The following SLC16A7 variants were observed in gnomAD, a reference collection of about 807,000 sequenced individuals.
The protein encoded by SLC16A7 is monocarboxylate transporter 2.
SLC16A7 carries 33 observed loss-of-function variants against 34.9 expected under a neutral mutation model. The observed-to-expected ratio is 0.94, with a 90% confidence interval of 0.72 to 1.26. SLC16A7 has a LOEUF of 1.26. Ranked by LOEUF, SLC16A7 falls within the 50% of genes most tolerant of loss-of-function variation. The pLI is 0.00. For missense variants in SLC16A7, 573 were observed against 578.1 expected, an observed-to-expected ratio of 0.99 and a Z score of 0.09; for synonymous variants, 201 against 206.6, an observed-to-expected ratio of 0.97 and a Z score of 0.23.
At chr12:59,671,607 A>G (rs1288306098) in intron 2 of SLC16A7, among the ~76,000 whole-genome samples, 4 of 151,446 alleles carry the variant, frequency 2.6e-5, no homozygotes, top group South Asian at 4.2e-4. Flanking sequence ...AGTAGCTTCA[A>G]TCAGTTTTTG....
intron 2 of SLC16A7, among the ~76,000 whole-genome samples, chr12:59,673,856 C>T (rs1228077216): frequency 6.6e-6 from 1 of 152,108 alleles, no homozygotes. Context: ...CCAAGGATAT[C>T]ATCATCTCTC....
At chr12:59,656,354 A>G (rs755369752) in intron 2 of SLC16A7, among the ~76,000 whole-genome samples, 9 of 151,956 alleles carry the variant, frequency 5.9e-5, no homozygotes, top group Non-Finnish European at 1.3e-4. Context: ...GATTATGTGC[A>G]TGGGCCCAGC....
intron 3 of SLC16A7, among the ~76,000 whole-genome samples, chr12:59,752,074 C>G (rs1041620544): frequency 6.6e-6 from 1 of 152,106 alleles, no homozygotes; most frequent in African/African-American, 2.4e-5. Context: ...AACTAACAAA[C>G]AGAAAGGACA....
intron 2 of SLC16A7, among the ~76,000 whole-genome samples, chr12:59,703,335 C>T (rs539849193): frequency 7.9e-5 from 12 of 152,076 alleles, no homozygotes; most frequent in African/African-American, 2.2e-4. Context: ...GTTTTACCTA[C>T]GTTGTCTAAT....
intron 2 of SLC16A7, among the ~76,000 whole-genome samples, chr12:59,657,504 CAAGTGAGAA>C (rs1868595996): frequency 6.6e-6 from 1 of 151,842 alleles, no homozygotes; most frequent in Admixed American, 6.6e-5. Context: ...AAATACTTCA[CAAGTGAGAA>C]AAACCTAGTC....
At chr12:59,764,250 A>G (rs1324191875) in intron 3 of SLC16A7, among the ~76,000 whole-genome samples, 3 of 152,040 alleles carry the variant, frequency 2.0e-5, no homozygotes, top group Admixed American at 6.6e-5. Flanking sequence ...AATCCAGAGC[A>G]GGGCCCTAAC....
chr12:59,781,170 T>C lies in SLC16A7; in HGVS notation c.*1491T>C, dbSNP rs543895038. The C allele has an allele frequency of 1.3e-5, 2 of 152,352 alleles. No homozygotes were observed. The highest frequency in any genetic ancestry group is 4.8e-5 in the African/African-American group (2 of 41,580). 9.4% of individuals were successfully genotyped at this position (152,352 alleles called of 1,614,324 possible). On this transcript the variant is annotated 3_prime_UTR_variant, in exon 6 of 6. Transcript: ENST00000547379. ...ACTCCTGAATACAGAGGCATATTCTTTTTAAACTATAAATACCATTTTGAG... is the reference window on the plus strand; with the variant it reads ...ACTCCTGAATACAGAGGCATATTCTCTTTAAACTATAAATACCATTTTGAG...
At chr12:59,613,114 A>G (rs1879277020) in intron 1 of SLC16A7, among the ~76,000 whole-genome samples, 1 of 152,254 alleles carries the variant, frequency 6.6e-6, no homozygotes, top group Non-Finnish European at 1.5e-5. Context: ...AAAGAGGTTT[A>G]ATTGACTAAC....
chr12:59,739,852 T>C (rs945880786), intron 3 of SLC16A7, among the ~76,000 whole-genome samples: 17 of 151,448 alleles, frequency 1.1e-4, no homozygotes, highest in African/African-American at 3.9e-4. Context: ...CTTTTGAGAA[T>C]TGTCTGTTCA....
In SLC16A7 at chr12:59,765,182, T is replaced by G. The variant is rs2137410147; in HGVS notation, c.218-6037T>G. Among the ~76,000 whole-genome samples the G allele has an allele frequency of 1.3e-5, 2 of 152,342 alleles. 1 individual carries two copies. The highest frequency in any genetic ancestry group is 3.9e-4 in the East Asian group (2 of 5,190). Reference sequence around the variant, plus strand: ...TCGCCCACTTTTTGATGGGGTTGTTTGTTTTTTTCTTGTAAATTTGTTTGA... The same window carrying G: ...TCGCCCACTTTTTGATGGGGTTGTTGGTTTTTTTCTTGTAAATTTGTTTGA... On this transcript the variant is annotated intron_variant, in intron 3 of 5. Coordinates refer to ENST00000547379, the MANE Select transcript of SLC16A7 (RefSeq NM_001270623.2).
chr12:59,671,963 G>A lies in SLC16A7; in HGVS notation c.-31+16713G>A, dbSNP rs866302830. Reference sequence around the variant, plus strand: ...TATATATGTGTATATATGTATATATGTGTATATATCCATATATCCGTATAT... The same window carrying A: ...TATATATGTGTATATATGTATATATATGTATATATCCATATATCCGTATAT... On this transcript the variant is annotated intron_variant, in intron 2 of 5. Transcript: ENST00000547379. 1.5e-4 allele frequency among the ~76,000 whole-genome samples: 9 copies of A among 61,002 alleles called. 2 individuals are homozygous for A. The highest frequency in any genetic ancestry group is 1.0e-3 in the African/African-American group (9 of 8,872). 40.0% of individuals were successfully genotyped at this position (61,002 alleles called of 152,430 possible). A position where few individuals can be genotyped will look rare whatever the true frequency, so the allele number is the denominator to read the frequency against.
chr12:59,675,763 T>A (rs529188971), intron 2 of SLC16A7, among the ~76,000 whole-genome samples: 19 of 152,262 alleles, frequency 1.2e-4, no homozygotes, highest in African/African-American at 4.1e-4. Context: ...TATAAAAAAA[T>A]TTTTAAATGA....
At chr12:59,773,707 G>A (rs1882458530) in intron 4 of SLC16A7, among the ~76,000 whole-genome samples, 1 of 152,034 alleles carries the variant, frequency 6.6e-6, no homozygotes, top group Non-Finnish European at 1.5e-5. Flanking sequence ...TGGGATTACA[G>A]GCATGTGCCA....
Position 59,783,153 on chromosome 12 carries a change from A to C in SLC16A7, c.*3474A>C, listed in dbSNP as rs1883366302. The C allele has an allele frequency of 6.6e-6, 1 of 152,196 alleles. No homozygotes were observed. Among genetic ancestry groups the C allele is most frequent in the Non-Finnish European group, 1.5e-5 (1 of 68,038 alleles). The allele number at this position is 152,196 out of a possible 1,614,324, so 9.4% of individuals were successfully genotyped here. The stretch of plus-strand genomic sequence containing the variant: ...AGTTGGTTGAAACATTTTTTATCTA[A>C]AACACCTTTAAAAAATCCCTTTCAT... On this transcript the variant is annotated 3_prime_UTR_variant, in exon 6 of 6. Transcript: ENST00000547379.
intron 1 of SLC16A7, among the ~76,000 whole-genome samples, chr12:59,629,988 A>G (rs1456879370): frequency 1.3e-5 from 2 of 151,916 alleles, no homozygotes; most frequent in African/African-American, 4.8e-5. Flanking sequence ...AAATCTTTGT[A>G]TTCTATGCAG....
At position 59,774,647 on chromosome 12, in the gene SLC16A7, T is replaced by G. The variant is rs781454613; in HGVS notation, c.362-10T>G. The G allele has an allele frequency of 3.3e-6, 5 of 1,535,818 alleles. No homozygotes were observed. In the South Asian group the frequency reaches 6.2e-5, roughly 19 times the overall value. On this transcript the variant is annotated splice_polypyrimidine_tract_variant and intron_variant, in intron 4 of 5. Coordinates refer to ENST00000547379, the MANE Select transcript of SLC16A7 (RefSeq NM_001270623.2). ...TGTGTTTTCCCCCACTTTTGTTTTG[T>G]TCTTTTTAGGTTTAGGTTTAGCCTT... is the stretch of plus-strand genomic sequence containing the variant.
At chr12:59,653,865 CAT>C in intron 1 of SLC16A7, among the ~76,000 whole-genome samples, 1 of 151,722 alleles carries the variant, frequency 6.6e-6, no homozygotes, top group Middle Eastern at 3.4e-3. Context: ...TGGCCTTACT[CAT>C]GTGATTTTTT....
intron 1 of SLC16A7, among the ~76,000 whole-genome samples, chr12:59,639,544 T>G (rs924945137): frequency 6.6e-6 from 1 of 152,030 alleles, no homozygotes; most frequent in African/African-American, 2.4e-5. Flanking sequence ...CCACCATGCC[T>G]GGCTAATTTT....
In SLC16A7 at chr12:59,782,246, A is replaced by G. The variant is rs1883303078; in HGVS notation, c.*2567A>G. 6.6e-6 allele frequency: 1 copy of G among 152,200 alleles called. No homozygotes were observed. Among genetic ancestry groups the G allele is most frequent in the Non-Finnish European group, 1.5e-5 (1 of 68,034 alleles). 9.4% of individuals were successfully genotyped at this position (152,200 alleles called of 1,614,324 possible). A position where few individuals can be genotyped will look rare whatever the true frequency, so the allele number is the denominator to read the frequency against. ...GAACACAATTGAAACAGTGACATAA[A>G]TACCTACAGGATTCAGAATTGTTCC... On this transcript the variant is annotated 3_prime_UTR_variant, in exon 6 of 6. Coordinates refer to ENST00000547379, the MANE Select transcript of SLC16A7 (RefSeq NM_001270623.2).
Sources: allele counts gnomAD v4.1 joint callset (sites outside exome capture counted in the v4.1 genomes callset), GRCh38; gene constraint gnomAD v4.1.1; transcripts MANE v1.5; gene names NCBI Gene and HGNC (gene_info 2026-07-23, HGNC 2026-07-21).